Variants in ADK observed in about 807,000 individuals in gnomAD.
ADK encodes N6,N6-dimethyladenosine kinase.
A neutral mutation model predicts 44.7 loss-of-function variants in ADK; 24 were observed. That is an observed-to-expected ratio of 0.54 (90% CI 0.39 to 0.76). ADK has a LOEUF of 0.76. Ranked by LOEUF, ADK falls within the 30% of genes least tolerant of loss-of-function variation. ADK has a pLI of 0.00. For synonymous variants in ADK, 128 were observed against 142.6 expected (o/e 0.90, Z 0.73); for missense variants, 321 against 425.1 (o/e 0.76, Z 2.15).
At chr10:74,670,331 A>G (rs1855123668) in intron 10 of ADK, 62 bp downstream of exon 10, 6 of 1,275,650 alleles carry the variant, frequency 4.7e-6, no homozygotes, top group Non-Finnish European at 6.8e-6. Context: ...TGTTTCTACC[A>G]TATAACCAAG....
At chr10:74,164,410 C>A (rs1461978888) in intron 1 of ADK, among the ~76,000 whole-genome samples, 1 of 152,122 alleles carries the variant, frequency 6.6e-6, no homozygotes, top group African/African-American at 2.4e-5. Flanking sequence ...GTGGTGGGCG[C>A]CTGTAATCCC....
intron 4 of ADK, among the ~76,000 whole-genome samples, chr10:74,337,996 G>A (rs1800080951): frequency 6.6e-6 from 1 of 151,928 alleles, no homozygotes; most frequent in Non-Finnish European, 1.5e-5. Context: ...GTGACAGAGC[G>A]AGACCCTGGC....
intron 6 of ADK, among the ~76,000 whole-genome samples, chr10:74,453,965 A>C (rs534877576): frequency 4.6e-5 from 7 of 152,258 alleles, no homozygotes; most frequent in East Asian, 1.9e-4. Context: ...CTTTTTCTAA[A>C]TTGCAGTTTC....
At chr10:74,414,637 A>G (rs1232888152) in intron 6 of ADK, among the ~76,000 whole-genome samples, 2 of 152,170 alleles carry the variant, frequency 1.3e-5, no homozygotes, top group South Asian at 2.1e-4. Context: ...TGAGAAGCTG[A>G]GGCAGGAGAA....
chr10:74,581,021 T>TACACACAC (rs143153735), intron 7 of ADK, among the ~76,000 whole-genome samples: 60 of 145,348 alleles, frequency 4.1e-4, no homozygotes, highest in African/African-American at 8.9e-4. Flanking sequence ...CAATAATAAA[T>TACACACAC]ACACACACAC....
intron 3 of ADK, among the ~76,000 whole-genome samples, chr10:74,237,478 T>A (rs1294605778): frequency 6.6e-6 from 1 of 152,190 alleles, no homozygotes; most frequent in East Asian, 1.9e-4. Context: ...AGGGCTGGAA[T>A]TCACTTCTTC....
At chr10:74,706,761 T>C (rs542638545) in intron 10 of ADK, among the ~76,000 whole-genome samples, 22 of 152,352 alleles carry the variant, frequency 1.4e-4, no homozygotes, top group African/African-American at 4.6e-4. Flanking sequence ...TAGAAGCAGC[T>C]TGTCAGTTTC....
chr10:74,539,950 A>G (rs1254224760), intron 7 of ADK, among the ~76,000 whole-genome samples: 8 of 152,214 alleles, frequency 5.3e-5, no homozygotes, highest in Non-Finnish European at 1.2e-4. Context: ...GGAAAGATTC[A>G]GAAAATGCAA....
chr10:74,480,230 T>TTTCTTTCTTTC (rs1564745926), intron 6 of ADK, among the ~76,000 whole-genome samples: 1 of 53,622 alleles, frequency 1.9e-5, no homozygotes, highest in African/African-American at 5.0e-5. Flanking sequence ...TTCTTTCTTT[T>TTTCTTTCTTTC]TTTTTTTTTT....
chr10:74,203,104 C>T (rs1203636240), intron 2 of ADK, among the ~76,000 whole-genome samples: 1 of 152,152 alleles, frequency 6.6e-6, no homozygotes, highest in East Asian at 1.9e-4. Context: ...GGCATTTGAT[C>T]AATTTTGAGT....
At chr10:74,410,597 C>G (rs1202142682) in intron 6 of ADK, among the ~76,000 whole-genome samples, 1 of 152,050 alleles carries the variant, frequency 6.6e-6, no homozygotes, top group Non-Finnish European at 1.5e-5. Flanking sequence ...AGGAGAATCG[C>G]TCAAACCCAG....
At chr10:74,229,333 T>C (rs527750603) in intron 3 of ADK, among the ~76,000 whole-genome samples, 1 of 151,976 alleles carries the variant, frequency 6.6e-6, no homozygotes, top group East Asian at 1.9e-4. Flanking sequence ...GTTATAAGTA[T>C]TTAAATGGAA....
intron 1 of ADK, among the ~76,000 whole-genome samples, chr10:74,187,837 G>C (rs912692033): frequency 6.6e-6 from 1 of 152,208 alleles, no homozygotes; most frequent in South Asian, 2.1e-4. Context: ...TGATTAGATA[G>C]CTGTGGGTCT....
Position 74,525,512 on chromosome 10 carries a change from A to G in ADK, c.726+86A>G, listed in dbSNP as rs551853167. ...TGTGTATATATGTTTAGAAATATAT[A>G]AATTAAATCCTAAATTTTTGTGTAA... On this transcript the variant is annotated intron_variant, in intron 7 of 10. Transcript: ENST00000539909. 1.1e-5 allele frequency: 14 copies of G among 1,239,186 alleles called. No homozygotes were observed. In the Admixed American group the frequency reaches 2.2e-4, roughly 20 times the overall value. The allele number at this position is 1,239,186 out of a possible 1,614,324, so 76.8% of individuals were successfully genotyped here.
At chr10:74,435,528 CA>C (rs1220676350) in intron 6 of ADK, among the ~76,000 whole-genome samples, 1 of 151,964 alleles carries the variant, frequency 6.6e-6, no homozygotes, top group African/African-American at 2.4e-5. Context: ...GAAAAAATGG[CA>C]AAAAACCGCC....
intron 3 of ADK, among the ~76,000 whole-genome samples, chr10:74,273,966 G>A (rs1022088955): frequency 6.6e-6 from 1 of 152,020 alleles, no homozygotes; most frequent in Non-Finnish European, 1.5e-5. Context: ...TCTTCTTTAA[G>A]ATAGACTTGA....
intron 6 of ADK, among the ~76,000 whole-genome samples, chr10:74,400,800 A>C (rs1408032224): frequency 6.6e-6 from 1 of 152,118 alleles, no homozygotes; most frequent in Non-Finnish European, 1.5e-5. Flanking sequence ...TGTCTGCATC[A>C]CATAAGCTAA....
At chr10:74,413,110 G>T (rs377296049) in intron 6 of ADK, among the ~76,000 whole-genome samples, 2 of 152,002 alleles carry the variant, frequency 1.3e-5, no homozygotes. Context: ...GTTCATCCAG[G>T]CTTTGTTATT....
rs1564642239 is a variant in ADK at position 74,302,101 on chromosome 10, G to GTT, written c.195-12564_195-12563dup. On this transcript the variant is annotated intron_variant, in intron 3 of 10. Transcript: ENST00000539909. ...TTCTTTTCTTTTCTGTTTTTTTTTT[G>GTT]TTTGTTTGTTTTTTTTTTTTTTTTT... 2.8e-3 allele frequency among the ~76,000 whole-genome samples: 33 copies of GTT among 11,688 alleles called. 4 individuals carry two copies. The highest frequency in any genetic ancestry group is 8.2e-3 in the African/African-American group (29 of 3,528). The allele number at this position is 11,688 out of a possible 152,430, so 7.7% of individuals were successfully genotyped here. A position where few individuals can be genotyped will look rare whatever the true frequency, so the allele number is the denominator to read the frequency against.
Sources: gnomAD v4.1 joint callset for allele counts (sites outside exome capture counted in the v4.1 genomes callset) on GRCh38, gnomAD v4.1.1 for gene constraint, MANE v1.5 for transcripts, NCBI Gene and HGNC (gene_info 2026-07-23, HGNC 2026-07-21) for gene names.